The following ARHGEF28 variants were observed in gnomAD, a reference collection of about 807,000 sequenced individuals.
The protein encoded by ARHGEF28 is 190 kDa guanine nucleotide exchange factor.
In ARHGEF28, 152 loss-of-function variants were observed where a neutral mutation model predicts 206.6. That is an observed-to-expected ratio of 0.74 (90% CI 0.64 to 0.84). The LOEUF (loss-of-function observed/expected upper bound fraction) is 0.84, where lower values mean the gene tolerates loss of function less well. Ranked by LOEUF, ARHGEF28 falls within the 40% of genes least tolerant of loss-of-function variation. ARHGEF28 has a pLI of 0.00. For missense variants in ARHGEF28, 2,028 were observed against 2,073.2 expected, an observed-to-expected ratio of 0.98 and a Z score of 0.42; for synonymous variants, 763 against 776.4, an observed-to-expected ratio of 0.98 and a Z score of 0.29.
At chr5:73,913,712 A>C (rs1449768484) in intron 35 of ARHGEF28, among the ~76,000 whole-genome samples, 1 of 152,200 alleles carries the variant, frequency 6.6e-6, no homozygotes, top group Non-Finnish European at 1.5e-5. Flanking sequence ...TTGCTGCTGA[A>C]TCTGGGTGAG....
At chr5:73,758,879 G>A (rs1752455291) in intron 4 of ARHGEF28, among the ~76,000 whole-genome samples, 1 of 152,230 alleles carries the variant, frequency 6.6e-6, no homozygotes, top group Non-Finnish European at 1.5e-5. Flanking sequence ...AAATATTAAA[G>A]TGTTTAACAA....
intron 1 of ARHGEF28, among the ~76,000 whole-genome samples, chr5:73,681,193 T>A (rs1472988442): frequency 6.6e-6 from 1 of 152,116 alleles, no homozygotes; most frequent in East Asian, 1.9e-4. Context: ...TAAGCAAATT[T>A]TGTGAAAGAC....
chr5:73,657,309 A>G (rs1331135727), intron 1 of ARHGEF28, among the ~76,000 whole-genome samples: 2 of 152,002 alleles, frequency 1.3e-5, no homozygotes, highest in Admixed American at 6.6e-5. Flanking sequence ...AAATTCCAAT[A>G]TATTACTGAC....
At chr5:73,914,019 C>G (rs1338070765) in intron 35 of ARHGEF28, among the ~76,000 whole-genome samples, 2 of 152,144 alleles carry the variant, frequency 1.3e-5, no homozygotes, top group African/African-American at 4.8e-5. Flanking sequence ...TATATAAAAA[C>G]AATTCTCCAA....
chr5:73,755,632 A>G (rs6891581), intron 4 of ARHGEF28, among the ~76,000 whole-genome samples: 50,845 of 152,158 alleles, frequency 0.33, 9,375 homozygotes, highest in African/African-American at 0.49. Flanking sequence ...AAATACATTC[A>G]TACTCTCTAG....
chr5:73,640,507 A>G (rs746906574), intron 1 of ARHGEF28, among the ~76,000 whole-genome samples: 1 of 152,200 alleles, frequency 6.6e-6, no homozygotes, highest in Non-Finnish European at 1.5e-5. Flanking sequence ...CTGTATTATT[A>G]ATGTTAACAA....
At chr5:73,685,347 T>C (rs1380495595) in intron 2 of ARHGEF28, among the ~76,000 whole-genome samples, 2 of 152,052 alleles carry the variant, frequency 1.3e-5, no homozygotes, top group Non-Finnish European at 2.9e-5. Flanking sequence ...CCAAGGAGAT[T>C]TGTACTTAGA....
At chr5:73,874,272 G>A (rs1450271746) in intron 22 of ARHGEF28, among the ~76,000 whole-genome samples, 3 of 151,896 alleles carry the variant, frequency 2.0e-5, no homozygotes, top group African/African-American at 7.3e-5. Flanking sequence ...TCTAGACATT[G>A]GTTCTTGTCA....
chr5:73,876,116 T>C (rs965881292), intron 22 of ARHGEF28, among the ~76,000 whole-genome samples: 1 of 149,854 alleles, frequency 6.7e-6, no homozygotes, highest in Non-Finnish European at 1.5e-5. Context: ...TTTGTAGTTC[T>C]CCTTGAAGAG....
At chr5:73,832,587 T>C in intron 10 of ARHGEF28, 128 bp downstream of exon 10, 2 of 1,292,754 alleles carry the variant, frequency 1.5e-6, no homozygotes, top group Non-Finnish European at 2.1e-6. Context: ...AGGATGCTGT[T>C]GTGGGGTCTC....
intron 9 of ARHGEF28, among the ~76,000 whole-genome samples, chr5:73,832,035 A>G (rs1274179121): frequency 6.6e-6 from 1 of 152,228 alleles, no homozygotes; most frequent in Non-Finnish European, 1.5e-5. Context: ...TAATTTAAAA[A>G]TATAGTAGAA....
intron 4 of ARHGEF28, among the ~76,000 whole-genome samples, chr5:73,756,724 C>T (rs1458111728): frequency 6.6e-6 from 1 of 151,940 alleles, no homozygotes; most frequent in Non-Finnish European, 1.5e-5. Flanking sequence ...AATTATTCCA[C>T]GTTAAAAAAA....
chr5:73,690,483 T>C (rs1436503260), intron 2 of ARHGEF28, among the ~76,000 whole-genome samples: 1 of 125,388 alleles, frequency 8.0e-6, no homozygotes, highest in African/African-American at 3.1e-5. Context: ...TGCTTAGTCC[T>C]CCCTAGATCA....
At chr5:73,929,713 T>C (rs1764002260) in intron 35 of ARHGEF28, among the ~76,000 whole-genome samples, 1 of 152,198 alleles carries the variant, frequency 6.6e-6, no homozygotes, top group Admixed American at 6.5e-5. Context: ...GTTACAGATA[T>C]TGCTAAAGGC....
chr5:73,909,508 G>T lies in ARHGEF28; in HGVS notation c.4258G>T (p.Gly1420Cys). The change falls in exon 34 of 36, where the codon GGC becomes TGC. Residue 1420 changes from glycine (G) to cysteine (C), a missense_variant. Gly to Cys is a radical substitution (Grantham distance 159). This residue lies in a region of ARHGEF28 where 803 missense variants were observed against 768.0 expected (regional missense o/e 1.05). Coordinates refer to ENST00000513042, the MANE Select transcript of ARHGEF28 (RefSeq NM_001177693.2). ...TCTCGGCCACTCTATCCTCCGAGGC[G>T]GCCCCTTGCAGGACCAGAAGTCTCG... is the stretch of plus-strand genomic sequence containing the variant. ...LSLGHSILRG[G>C]PLQDQKSRDA... 6.2e-7 allele frequency: 1 copy of T among 1,608,150 alleles called. No individual in the cohort carries two copies. The highest frequency in any genetic ancestry group is 8.5e-7 in the Non-Finnish European group (1 of 1,177,428).
intron 1 of ARHGEF28, among the ~76,000 whole-genome samples, chr5:73,636,265 C>T (rs1743711010): frequency 1.3e-5 from 2 of 152,108 alleles, no homozygotes; most frequent in African/African-American, 4.8e-5. Flanking sequence ...CAGAAAGTCC[C>T]AAATTAACTT....
At chr5:73,790,681 GAA>G (rs33944186) in intron 7 of ARHGEF28, among the ~76,000 whole-genome samples, 4,234 of 141,900 alleles carry the variant, frequency 0.03, 62 homozygotes, top group Middle Eastern at 0.053. Context: ...CCACTTTTAG[GAA>G]AAAAAAAAAA....
chr5:73,685,242 A>C (rs954645620), intron 2 of ARHGEF28, among the ~76,000 whole-genome samples: 3 of 152,158 alleles, frequency 2.0e-5, no homozygotes, highest in African/African-American at 7.2e-5. Context: ...GTTTCATGAT[A>C]ATTGTGTCAG....
intron 14 of ARHGEF28, among the ~76,000 whole-genome samples, chr5:73,855,513 C>A (rs1758967673): frequency 6.6e-6 from 1 of 152,092 alleles, no homozygotes; most frequent in Admixed American, 6.6e-5. Context: ...GGGTGAATCA[C>A]CAGAGGTCAG....
Sources: gnomAD v4.1 joint callset for allele counts (sites outside exome capture counted in the v4.1 genomes callset) on GRCh38, gnomAD v4.1.1 for gene constraint, gnomAD v4.1.1 regional missense constraint, MANE v1.5 for transcripts, NCBI Gene and HGNC (gene_info 2026-07-23, HGNC 2026-07-21) for gene names.